Variants in E2F8 observed in about 807,000 individuals in gnomAD.
E2F8 encodes the protein E2F transcription factor 8, also known as transcription factor E2F8.
A neutral mutation model predicts 80.8 loss-of-function variants in E2F8; 35 were observed. The observed-to-expected ratio is 0.43, with a 90% CI of 0.33 to 0.57. The LOEUF (loss-of-function observed/expected upper bound fraction) is 0.57, where lower values mean the gene tolerates loss of function less well. Among genes scored for constraint, E2F8 ranks in the 20% least tolerant of loss-of-function variants. The pLI is 0.04. For synonymous variants in E2F8, 386 were observed against 395.0 expected, an observed-to-expected ratio of 0.98 and a Z score of 0.27; for missense variants, 975 against 1,056.2, an observed-to-expected ratio of 0.92 and a Z score of 1.07.
At position 19,239,402 on chromosome 11, in the gene E2F8, G is replaced by C. The variant is rs565454527; in HGVS notation, c.15+705C>G. Among the ~76,000 whole-genome samples, 3 of 152,268 alleles carry C rather than the reference G, an allele frequency of 2.0e-5. No homozygotes were observed. The East Asian group carries it at 5.8e-4, about 29-fold the overall frequency. On this transcript the variant is annotated intron_variant, in intron 2 of 12. Transcript: ENST00000250024. ...TTGCCTCAGATTATCAGAAGCAATAGTAATTCTCTTATTTGACTAACATCT... is the reference window on the plus strand; with the variant it reads ...TTGCCTCAGATTATCAGAAGCAATACTAATTCTCTTATTTGACTAACATCT...
At chr11:19,233,931 C>T (rs1018180658) in intron 6 of E2F8, among the ~76,000 whole-genome samples, 1 of 151,180 alleles carries the variant, frequency 6.6e-6, no homozygotes, top group Non-Finnish European at 1.5e-5. Flanking sequence ...GGGTGGATCA[C>T]GAGGTCAAGA....
chr11:19,231,055 C>T (rs190559883), intron 7 of E2F8, among the ~76,000 whole-genome samples: 236 of 152,284 alleles, frequency 1.5e-3, no homozygotes, highest in Middle Eastern at 3.4e-3. Context: ...TGCACTATAT[C>T]TTATAACCAG....
intron 12 of E2F8, 65 bp downstream of exon 12, chr11:19,225,156 T>G: frequency 6.4e-7 from 1 of 1,555,648 alleles, no homozygotes; most frequent in Non-Finnish European, 8.7e-7. Context: ...GCCAATCTCT[T>G]ATGACACAGA....
chr11:19,224,702 CAA>C lies in E2F8; in HGVS notation c.2558_2559del (p.Phe853CysfsTer26). On this transcript the variant is annotated frameshift_variant, in exon 13 of 13. Transcript: ENST00000250024. LOFTEE classifies it high-confidence loss of function. ...GAGACTTCCAGTTTTCGCTGTGGGA[CAA>C]AGAGAGTTCCTAAGGAGGTTTTATT... is the stretch of plus-strand genomic sequence containing the variant. ...GANKTSLGTLFVPQRKLEVST... is the reference protein window; with the variant it reads ...GANKTSLGTLXVPQRKLEVST... 6.2e-7 allele frequency: 1 copy of C among 1,614,158 alleles called. No individual in the cohort carries two copies. The highest frequency in any genetic ancestry group is 8.5e-7 in the Non-Finnish European group (1 of 1,180,026).
In E2F8 at chr11:19,224,572, A is replaced by G. The variant is rs1851177974; in HGVS notation, c.*86T>C. 7.1e-7 allele frequency: 1 copy of G among 1,413,326 alleles called. No individual in the cohort carries two copies. Among genetic ancestry groups the G allele is most frequent in the Non-Finnish European group, 9.7e-7 (1 of 1,032,616 alleles). The allele number at this position is 1,413,326 out of a possible 1,614,324, so 87.5% of individuals were successfully genotyped here. A position where few individuals can be genotyped will look rare whatever the true frequency, so the allele number is the denominator to read the frequency against. ...TCCCCAACGTATTTACAGTATTTTC[A>G]GAGAATGTGTTCTCCAAATCAGTCT... On this transcript the variant is annotated 3_prime_UTR_variant, in exon 13 of 13. Coordinates refer to ENST00000250024, the MANE Select transcript of E2F8 (RefSeq NM_024680.4).
At chr11:19,232,609 G>A (rs891539660) in intron 6 of E2F8, among the ~76,000 whole-genome samples, 7 of 151,822 alleles carry the variant, frequency 4.6e-5, no homozygotes, top group African/African-American at 1.5e-4. Flanking sequence ...AATAGCATAC[G>A]TTGACAAAGG....
At chr11:19,233,304 G>A (rs1325836035) in intron 6 of E2F8, among the ~76,000 whole-genome samples, 2 of 152,110 alleles carry the variant, frequency 1.3e-5, no homozygotes, top group African/African-American at 4.8e-5. Context: ...CCAATTTTGA[G>A]CAGGTAATCT....
rs1851345885 is a variant in E2F8, at chr11:19,230,390, G to A, written c.1271-62C>T. 3 of 1,515,718 alleles carry A rather than the reference G, an allele frequency of 2.0e-6. No individual in the cohort carries two copies. The South Asian group carries it at 3.6e-5, about 18-fold the overall frequency. 93.9% of individuals were successfully genotyped at this position (1,515,718 alleles called of 1,614,324 possible). A position where few individuals can be genotyped will look rare whatever the true frequency, so the allele number is the denominator to read the frequency against. On this transcript the variant is annotated intron_variant, in intron 8 of 12. Transcript: ENST00000250024. Reference sequence around the variant, plus strand: ...CTAAAGAACAAATGTTCACACAGATGAAACCTCACTGAAGTCAGAGGAACA... The same window carrying A: ...CTAAAGAACAAATGTTCACACAGATAAAACCTCACTGAAGTCAGAGGAACA...
chr11:19,232,459 A>T, intron 6 of E2F8, 88 bp from the exon 7 acceptor site: 1 of 1,159,140 alleles, frequency 8.6e-7, no homozygotes, highest in Non-Finnish European at 1.2e-6. Context: ...ATATTCTAAG[A>T]GCTGTCTTAA....
At chr11:19,228,890 G>A (rs142802615) in intron 10 of E2F8, among the ~76,000 whole-genome samples, 1 of 152,214 alleles carries the variant, frequency 6.6e-6, no homozygotes, top group Non-Finnish European at 1.5e-5. Context: ...AATTTGTCTA[G>A]CATGTCAAAA....
In E2F8 at chr11:19,225,400, C is replaced by T. The variant is rs780682930; in HGVS notation, c.2242G>A (p.Val748Met). The T allele has an allele frequency of 6.2e-7, 1 of 1,614,108 alleles. No individual in the cohort carries two copies. Among genetic ancestry groups the T allele is most frequent in the East Asian group, 2.2e-5 (1 of 44,874 alleles). Residue 748 changes from valine (V) to methionine (M), a missense_variant, in exon 12 of 13, where the codon GTG (valine) becomes ATG (methionine). By Grantham distance (21) the Val-to-Met change is conservative. Coordinates refer to ENST00000250024, the MANE Select transcript of E2F8 (RefSeq NM_024680.4). ...GACCCAGGGCTGGCAGACAACTGCA[C>T]ATTGGGTGAGATGAGTCCCAGGTGC... is the stretch of plus-strand genomic sequence containing the variant. ...LQHLGLISPN[V>M]QLSASPGSGI... is the part of the protein sequence containing the mutation.
chr11:19,237,366 G>A lies in E2F8; in HGVS notation c.399C>T (p.Pro133=), dbSNP rs1174396567. The A allele has an allele frequency of 6.2e-7, 1 of 1,614,118 alleles. No individual in the cohort carries two copies. Among genetic ancestry groups the A allele is most frequent in the South Asian group, 1.1e-5 (1 of 91,078 alleles). The change falls in exon 4 of 13, where the codon CCC becomes CCT. Residue 133 remains proline, a synonymous_variant. Transcript: ENST00000250024. ...AGATGTCATTATTCACAGCAGGGTTGGGATAATTAGGATATCGTGCTAAGA... is the reference window on the plus strand; with the variant it reads ...AGATGTCATTATTCACAGCAGGGTTAGGATAATTAGGATATCGTGCTAAGA... The part of the protein sequence containing the change: ...HKFLARYPNY[P]NPAVNNDICL...
rs1032359487 is a variant in E2F8, at chr11:19,233,526, C to G, written c.928+834G>C. The stretch of plus-strand genomic sequence containing the variant: ...TTTTTGAGACAGAGTCTTGCTCTGT[C>G]CCCCAGGCTGGAGTGCAGTGGCGCG... On this transcript the variant is annotated intron_variant, in intron 6 of 12. Transcript: ENST00000250024. Among the ~76,000 whole-genome samples the G allele has an allele frequency of 3.9e-5, 6 of 152,028 alleles. No homozygotes were observed. The South Asian group carries it at 1.0e-3, about 26-fold the overall frequency.
rs949623824 is a variant in E2F8, at chr11:19,240,569, G to A, written c.-131C>T. ...CCACCTGTTCGCAGATCAGGGCTCC[G>A]GACTAAGCGCACGAGCCCAGGTCCC... On this transcript the variant is annotated 5_prime_UTR_variant, in exon 1 of 13. Transcript: ENST00000250024. The A allele has an allele frequency of 1.3e-5, 2 of 152,658 alleles. No individual in the cohort carries two copies. Among genetic ancestry groups the A allele is most frequent in the African/African-American group, 2.4e-5 (1 of 41,416 alleles). 9.5% of individuals were successfully genotyped at this position (152,658 alleles called of 1,614,324 possible).
intron 12 of E2F8, 63 bp downstream of exon 12, chr11:19,225,158 T>C: frequency 6.4e-7 from 1 of 1,556,964 alleles, no homozygotes; most frequent in Non-Finnish European, 8.7e-7. Flanking sequence ...CAATCTCTTA[T>C]GACACAGATA....
intron 2 of E2F8, 128 bp from the exon 3 acceptor site, chr11:19,238,260 G>A (rs1417991366): frequency 1.1e-6 from 1 of 918,412 alleles, no homozygotes; most frequent in Non-Finnish European, 1.6e-6. Flanking sequence ...TTGTAGAGTT[G>A]AGGAAATTAA....
intron 3 of E2F8, 74 bp from the exon 4 acceptor site, chr11:19,237,544 G>A (rs1012869873): frequency 1.6e-5 from 24 of 1,473,160 alleles, no homozygotes; most frequent in East Asian, 4.6e-5. Context: ...ATCTGTGCTC[G>A]ATGACTGACA....
At chr11:19,227,386 C>A (rs190556072) in intron 10 of E2F8, among the ~76,000 whole-genome samples, 1 of 152,140 alleles carries the variant, frequency 6.6e-6, no homozygotes, top group Non-Finnish European at 1.5e-5. Context: ...TAGTTATATT[C>A]TCTCATGGTA....
At position 19,234,982 on chromosome 11, in the gene E2F8, G is replaced by A; in HGVS notation, c.528C>T (p.Asn176=). 6.2e-7 allele frequency: 1 copy of A among 1,614,202 alleles called. No individual in the cohort carries two copies. The highest frequency in any genetic ancestry group is 8.5e-7 in the Non-Finnish European group (1 of 1,180,040). Residue 176 remains asparagine (N), a synonymous_variant, in exon 5 of 13, where the codon AAC becomes AAT. Transcript: ENST00000250024. ...TGTGTCGCCCGTGCCAAGTGTACCT[G>A]TTTTTGGCGAGGCGGCTCACCATAT... ...SLHMVSRLAK[N]RYTWHGRHNL... is the part of the protein sequence containing the mutation.
Sources: allele counts gnomAD v4.1 joint callset (sites outside exome capture counted in the v4.1 genomes callset), GRCh38; gene constraint gnomAD v4.1.1; transcripts MANE v1.5; gene names NCBI Gene and HGNC (gene_info 2026-07-23, HGNC 2026-07-21).